WDTC1: variants seen among roughly 807,000 people sequenced by gnomAD.
WDTC1 encodes WD and tetratricopeptide repeats protein 1.
A neutral mutation model predicts 76.0 loss-of-function variants in WDTC1; 12 were observed. The ratio of observed to expected loss-of-function variants is 0.16; its 90% CI spans 0.10 to 0.26. WDTC1 has a LOEUF of 0.26. Ranked by LOEUF, WDTC1 falls within the 10% of genes least tolerant of loss-of-function variation. The pLI is 1.00. For synonymous variants in WDTC1, 326 were observed against 350.8 expected (o/e 0.93, Z 0.79); for missense variants, 511 against 908.8 (o/e 0.56, Z 5.63).
intron 3 of WDTC1, among the ~76,000 whole-genome samples, chr1:27,267,529 A>C (rs1395262325): frequency 6.6e-6 from 1 of 152,138 alleles, no homozygotes; most frequent in Non-Finnish European, 1.5e-5. Flanking sequence ...TATGGTTCAA[A>C]TTCAAAAGTT....
intron 3 of WDTC1, among the ~76,000 whole-genome samples, chr1:27,278,007 A>AT (rs1236299647): frequency 2.6e-5 from 4 of 151,510 alleles, no homozygotes; most frequent in Admixed American, 6.6e-5. Context: ...CACCCAGCTA[A>AT]TTTTTTTTGT....
intron 3 of WDTC1, among the ~76,000 whole-genome samples, chr1:27,263,634 C>T (rs2012558548): frequency 6.6e-6 from 1 of 152,198 alleles, no homozygotes; most frequent in South Asian, 2.1e-4. Flanking sequence ...CGGGGTTTCA[C>T]CATGTTAGCC....
Position 27,261,094 on chromosome 1 carries a change from C to G in WDTC1, c.40C>G (p.Gln14Glu), listed in dbSNP as rs774777317. 6.2e-7 allele frequency: 1 copy of G among 1,614,062 alleles called. No homozygotes were observed. The highest frequency in any genetic ancestry group is 1.7e-5 in the Admixed American group (1 of 59,998). Reference protein sequence around the residue: ...VNITRDLIRRQIKERGALSFE... With the variant: ...VNITRDLIRREIKERGALSFE... ...CATAACTAGAGACCTCATCCGTAGG[C>G]AGATCAAGGTAAGCAGCCCAGACTT... The change falls in exon 2 of 16, where the codon CAG (glutamine) becomes GAG (glutamate). Residue 14 changes from glutamine to glutamate, a missense_variant. Coordinates refer to ENST00000319394, the MANE Select transcript of WDTC1 (RefSeq NM_001276252.2).
chr1:27,240,695 G>T (rs7540961), intron 1 of WDTC1, among the ~76,000 whole-genome samples: 17,891 of 152,106 alleles, frequency 0.12, 1,221 homozygotes, highest in South Asian at 0.18. Flanking sequence ...TTTAAGCCTG[G>T]GCTGGGCGCA....
intron 3 of WDTC1, among the ~76,000 whole-genome samples, chr1:27,269,394 G>C (rs1412165854): frequency 2.0e-5 from 3 of 150,984 alleles, no homozygotes; most frequent in Non-Finnish European, 2.9e-5. Context: ...TATGAGTGTG[G>C]CAAGAGAGAA....
intron 1 of WDTC1, among the ~76,000 whole-genome samples, chr1:27,249,232 G>A (rs1440809614): frequency 6.7e-6 from 1 of 148,214 alleles, no homozygotes; most frequent in Non-Finnish European, 1.5e-5. Context: ...TGGCACCACT[G>A]CACTCCAGCC....
Position 27,252,465 on chromosome 1 carries a change from T to G in WDTC1, c.-99-8491T>G, listed in dbSNP as rs1443795453. 2.0e-5 allele frequency among the ~76,000 whole-genome samples: 3 copies of G among 152,320 alleles called. No homozygotes were observed. The East Asian group carries it at 5.8e-4, about 29-fold the overall frequency. On this transcript the variant is annotated intron_variant, in intron 1 of 15. Coordinates refer to ENST00000319394, the MANE Select transcript of WDTC1 (RefSeq NM_001276252.2). ...ATTAATGTTATTAGAGCTTCAAGTA[T>G]GCAAATCAGGGTATATTGTTAACTG...
chr1:27,242,109 C>G (rs757595651), intron 1 of WDTC1, among the ~76,000 whole-genome samples: 21 of 151,986 alleles, frequency 1.4e-4, no homozygotes, highest in Non-Finnish European at 2.5e-4. Context: ...CCAGGCTGGT[C>G]TCCAACTCCT....
Position 27,307,512 on chromosome 1 carries a change from T to C in WDTC1, c.*1129T>C. 1.3e-5 allele frequency: 2 copies of C among 153,408 alleles called. No individual in the cohort carries two copies. The highest frequency in any genetic ancestry group is 2.9e-5 in the Non-Finnish European group (2 of 68,730). The allele number at this position is 153,408 out of a possible 1,614,324, so 9.5% of individuals were successfully genotyped here. Reference sequence around the variant, plus strand: ...CAGGTAGTTGGTTCATCCTTCCCCCTCTCTCCCTCCCTGCTTCCCCTTCAG... The same window carrying C: ...CAGGTAGTTGGTTCATCCTTCCCCCCCTCTCCCTCCCTGCTTCCCCTTCAG... On this transcript the variant is annotated 3_prime_UTR_variant, in exon 16 of 16. Transcript: ENST00000319394. The surrounding 1 kb of genome is among the most constrained non-coding windows in gnomAD (Gnocchi z 4.1).
chr1:27,286,935 GGT>G (rs1359206126), intron 5 of WDTC1, among the ~76,000 whole-genome samples: 1 of 152,044 alleles, frequency 6.6e-6, no homozygotes, highest in Non-Finnish European at 1.5e-5. Flanking sequence ...GGCCAAGGCA[GGT>G]GGATCACCTG....
Position 27,306,299 on chromosome 1 carries a change from G to A in WDTC1, c.1950G>A (p.Arg650=), listed in dbSNP as rs144630273. The A allele has an allele frequency of 1.9e-6, 3 of 1,614,084 alleles. No individual in the cohort carries two copies. Among genetic ancestry groups the A allele is most frequent in the African/African-American group, 2.7e-5 (2 of 75,026 alleles). Residue 650 remains arginine (R), a synonymous_variant, in exon 16 of 16, where the codon CGG becomes CGA. Coordinates refer to ENST00000319394, the MANE Select transcript of WDTC1 (RefSeq NM_001276252.2). The surrounding 1 kb of genome is among the most constrained non-coding windows in gnomAD (Gnocchi z 5.0). ...TGATGCTGCTCAACATGGGCTACCGGATCACGGGCCTGAGCAGTGGGGGTG... is the reference window on the plus strand; with the variant it reads ...TGATGCTGCTCAACATGGGCTACCGAATCACGGGCCTGAGCAGTGGGGGTG... The part of the protein sequence containing the change: ...LEVMLLNMGY[R]ITGLSSGGAG...
chr1:27,285,962 G>A (rs191240820), intron 5 of WDTC1, among the ~76,000 whole-genome samples: 5 of 146,660 alleles, frequency 3.4e-5, no homozygotes, highest in Admixed American at 1.4e-4. Context: ...GATGTCATCT[G>A]GAGTATTTTG....
intron 4 of WDTC1, 118 bp downstream of exon 4, chr1:27,282,403 C>CT: frequency 2.2e-6 from 2 of 927,708 alleles, no homozygotes; most frequent in Non-Finnish European, 3.3e-6. Context: ...AAAGAGACTG[C>CT]TGCTGTCTGC....
Position 27,234,844 on chromosome 1 carries a change from C to T in WDTC1, c.-207C>T, listed in dbSNP as rs1340396721. On this transcript the variant is annotated 5_prime_UTR_variant, in exon 1 of 16. Transcript: ENST00000319394. ...CTAGAACTGCTCGAGCCCCCCAGCC[C>T]CCTCCCCGGGATCCGCGCCCCCCTT... The T allele has an allele frequency of 2.5e-6, 1 of 396,854 alleles. No individual in the cohort carries two copies. Among genetic ancestry groups the T allele is most frequent in the Admixed American group, 4.4e-5 (1 of 22,692 alleles). 24.6% of individuals were successfully genotyped at this position (396,854 alleles called of 1,614,324 possible).
chr1:27,291,909 A>G (rs369607183), intron 6 of WDTC1, among the ~76,000 whole-genome samples: 82 of 152,316 alleles, frequency 5.4e-4, no homozygotes, highest in Middle Eastern at 3.4e-3. Context: ...CTGGACATAA[A>G]GCACATTTTC....
Position 27,303,598 on chromosome 1 carries a change from C to A in WDTC1, c.1469-23C>A. On this transcript the variant is annotated intron_variant, in intron 13 of 15. Coordinates refer to ENST00000319394, the MANE Select transcript of WDTC1 (RefSeq NM_001276252.2). The surrounding 1 kb of genome is among the most constrained non-coding windows in gnomAD (Gnocchi z 4.8). ...GGAGAGAAAGGAACAAGGCGCTTAC[C>A]TTTTCTGGATCTCTGCCCCCAGAGG... 1 of 1,568,260 alleles carries A rather than the reference C, an allele frequency of 6.4e-7. No individual in the cohort carries two copies. Among genetic ancestry groups the A allele is most frequent in the Non-Finnish European group, 8.6e-7 (1 of 1,163,430 alleles).
intron 1 of WDTC1, among the ~76,000 whole-genome samples, chr1:27,239,120 TCTCAAACTCCTGGGCTCAAGCAGTCTGC>T (rs1037712760): frequency 2.7e-5 from 4 of 146,972 alleles, no homozygotes; most frequent in African/African-American, 1.0e-4. Flanking sequence ...CTCAGGCTGG[TCTCAAACTCCTGGGCTCAAGCAGTCTGC>T]CTACCTCAGC....
chr1:27,246,748 G>A lies in WDTC1; in HGVS notation c.-100+11797G>A, dbSNP rs573127274. Among the ~76,000 whole-genome samples the A allele has an allele frequency of 4.0e-3, 600 of 151,662 alleles. 3 individuals carry two copies. Among genetic ancestry groups the A allele is most frequent in the Non-Finnish European group, 5.8e-3 (392 of 67,930 alleles). On this transcript the variant is annotated intron_variant, in intron 1 of 15. Coordinates refer to ENST00000319394, the MANE Select transcript of WDTC1 (RefSeq NM_001276252.2). The stretch of plus-strand genomic sequence containing the variant: ...GGCTAATTTTTGTATTTTTAGTAGA[G>A]ATGGGGTTTCACCATGTTGGCCAGG...
At position 27,297,257 on chromosome 1, in the gene WDTC1, C is replaced by T. The variant is rs17162531; in HGVS notation, c.1058+101C>T. ...AAATCTTCCTCCTGACCCACACCCA[C>T]TCATGCATCCCAGAGAGTGAGGACC... On this transcript the variant is annotated intron_variant, in intron 11 of 15. Transcript: ENST00000319394. 2,024 of 1,066,834 alleles carry T rather than the reference C, an allele frequency of 1.9e-3. 29 individuals are homozygous for T. In the African/African-American group the frequency reaches 0.028, roughly 15 times the overall value. 66.1% of individuals were successfully genotyped at this position (1,066,834 alleles called of 1,614,324 possible). A position where few individuals can be genotyped will look rare whatever the true frequency, so the allele number is the denominator to read the frequency against.
Sources: allele counts gnomAD v4.1 joint callset (sites outside exome capture counted in the v4.1 genomes callset), GRCh38; gene constraint gnomAD v4.1.1; non-coding constraint Gnocchi (gnomAD v3.1); transcripts MANE v1.5; gene names NCBI Gene and HGNC (gene_info 2026-07-23, HGNC 2026-07-21).